XRCC1: variants seen among roughly 807,000 people sequenced by gnomAD.
XRCC1 encodes the protein DNA repair protein XRCC1.
In XRCC1, 52 loss-of-function variants were observed where a neutral mutation model predicts 83.3. The observed-to-expected ratio is 0.62, with a 90% CI of 0.50 to 0.79. The LOEUF (loss-of-function observed/expected upper bound fraction) is 0.79. Among genes scored for constraint, XRCC1 ranks in the 30% least tolerant of loss-of-function variants. XRCC1 has a pLI of 0.00. For missense variants in XRCC1, 793 were observed against 823.5 expected (o/e 0.96, Z 0.45); for synonymous variants, 281 against 312.6 (o/e 0.90, Z 1.07).
At chr19:43,552,637 G>C (rs1054451917) in intron 8 of XRCC1, among the ~76,000 whole-genome samples, 160 bp downstream of exon 8, 4 of 145,298 alleles carry the variant, frequency 2.8e-5, no homozygotes, top group African/African-American at 1.0e-4. Flanking sequence ...TCCTCCCTCG[G>C]ATTCAGGAAT....
chr19:43,569,475 CAA>C (rs34545606), intron 2 of XRCC1, among the ~76,000 whole-genome samples: 27 of 129,694 alleles, frequency 2.1e-4, no homozygotes, highest in Non-Finnish European at 2.1e-4. Context: ...GACCCTGTCT[CAA>C]AAAAAAAAAA....
intron 2 of XRCC1, among the ~76,000 whole-genome samples, chr19:43,570,202 T>C (rs1408214527): frequency 1.3e-5 from 2 of 152,192 alleles, no homozygotes; most frequent in Admixed American, 1.3e-4. Flanking sequence ...AAAATGACCA[T>C]AGGCCCTATT....
rs2228487 is a variant in XRCC1, at chr19:43,554,740, C to A, written c.320G>T (p.Arg107Leu). 6 of 1,613,964 alleles carry A rather than the reference C, an allele frequency of 3.7e-6. No homozygotes were observed. Among genetic ancestry groups the A allele is most frequent in the South Asian group, 1.1e-5 (1 of 91,070 alleles). Residue 107 changes from arginine (R) to leucine (L), a missense_variant, in exon 4 of 17, where the codon CGC becomes CTC. Coordinates refer to ENST00000262887, the MANE Select transcript of XRCC1 (RefSeq NM_006297.3). Reference protein sequence around the residue: ...SESRSGSNPNRVRMFGPDKLV... With the variant: ...SESRSGSNPNLVRMFGPDKLV... The stretch of plus-strand genomic sequence containing the variant: ...CTTGTCAGGCCCAAACATGCGAACG[C>A]GGTTGGGGTTTGAGCCACTGCGGCT...
chr19:43,570,797 A>G (rs970273354), intron 2 of XRCC1, among the ~76,000 whole-genome samples: 3 of 151,848 alleles, frequency 2.0e-5, no homozygotes, highest in African/African-American at 7.3e-5. Context: ...AACATAACAT[A>G]ACAACCCAGA....
At chr19:43,569,309 GCAAAAAAAATA>G (rs1972784414) in intron 2 of XRCC1, among the ~76,000 whole-genome samples, 1 of 151,666 alleles carries the variant, frequency 6.6e-6, no homozygotes, top group Non-Finnish European at 1.5e-5. Context: ...CCCCATCTCT[GCAAAAAAAATA>G]CAAAAATTAG....
chr19:43,553,257 C>T (rs1972600752), intron 6 of XRCC1, 144 bp downstream of exon 6: 8 of 1,159,538 alleles, frequency 6.9e-6, no homozygotes, highest in African/African-American at 3.1e-5. Flanking sequence ...GCCCACCTTC[C>T]TCCACCCTGA....
chr19:43,551,933 G>C (rs1056731832), intron 9 of XRCC1, 84 bp downstream of exon 9: 44 of 1,440,332 alleles, frequency 3.1e-5, no homozygotes, highest in Non-Finnish European at 4.2e-5. Context: ...CAGCATAGTG[G>C]ACACAGAGAA....
At chr19:43,555,565 G>A (rs1307324614) in intron 3 of XRCC1, 1 of 152,180 alleles carries the variant, frequency 6.6e-6, no homozygotes, top group Non-Finnish European at 1.5e-5. Context: ...GCAGCCGGTG[G>A]GGGAGGAAGC....
At chr19:43,547,227 G>A (rs957306333) in intron 10 of XRCC1, among the ~76,000 whole-genome samples, 48 of 149,874 alleles carry the variant, frequency 3.2e-4, no homozygotes, top group African/African-American at 1.0e-3. Context: ...CCATTCCATC[G>A]CCAGGCTGGA....
chr19:43,573,999 A>G (rs977871235), intron 2 of XRCC1, among the ~76,000 whole-genome samples: 3 of 152,228 alleles, frequency 2.0e-5, no homozygotes, highest in Admixed American at 1.3e-4. Context: ...TGAGGACTCA[A>G]TGAGCTAATC....
intron 11 of XRCC1, 28 bp from the exon 12 acceptor site, chr19:43,546,755 A>G (rs773335525): frequency 4.4e-6 from 7 of 1,599,974 alleles, no homozygotes; most frequent in Middle Eastern, 1.7e-4. Flanking sequence ...GTGGGTGAGG[A>G]GGGCAGGAAC....
In XRCC1 at chr19:43,561,036, G is replaced by C. The variant is rs1347828417; in HGVS notation, c.145-16C>G. 5 of 1,603,066 alleles carry C rather than the reference G, an allele frequency of 3.1e-6. No homozygotes were observed. The highest frequency in any genetic ancestry group is 4.3e-6 in the Non-Finnish European group (5 of 1,169,956). ...CCTTCTCCAACTGTGGGCAGAGAGA[G>C]AGGCCACTGTCAGTGCCTGCTCTGC... On this transcript the variant is annotated splice_polypyrimidine_tract_variant and intron_variant, in intron 2 of 16. Transcript: ENST00000262887.
In XRCC1 at chr19:43,553,095, T is replaced by G; in HGVS notation, c.602-4A>C. The G allele has an allele frequency of 6.4e-7, 1 of 1,562,750 alleles. No homozygotes were observed. Among genetic ancestry groups the G allele is most frequent in the Non-Finnish European group, 8.7e-7 (1 of 1,153,328 alleles). ...CCTGCTGGGTCGCTGGCTGTGACTA[T>G]GAAGGGAGAAAGTGGATCCAGGATG... On this transcript the variant is annotated splice_region_variant and splice_polypyrimidine_tract_variant and intron_variant, in intron 6 of 16. Coordinates refer to ENST00000262887, the MANE Select transcript of XRCC1 (RefSeq NM_006297.3).
Position 43,552,212 on chromosome 19 carries a change from G to A in XRCC1, c.887C>T (p.Thr296Ile), listed in dbSNP as rs1436873982. The change falls in exon 9 of 17, where the codon ACA (threonine) becomes ATA (isoleucine). Residue 296 changes from threonine to isoleucine, a missense_variant. Transcript: ENST00000262887. ...GGTGCCTTCTCCTCGGGGTTTGCCT[G>A]TCACTGCCCCCTGTGCTCGGGCAGG... ...PVPARAQGAV[T>I]GKPRGEGTEP... The A allele has an allele frequency of 2.5e-6, 4 of 1,613,852 alleles. No homozygotes were observed. Among genetic ancestry groups the A allele is most frequent in the Admixed American group, 3.3e-5 (2 of 60,010 alleles).
intron 3 of XRCC1, among the ~76,000 whole-genome samples, chr19:43,556,466 A>G (rs1418478481): frequency 6.6e-6 from 1 of 152,208 alleles, no homozygotes; most frequent in African/African-American, 2.4e-5. Context: ...CTGTTCTCTC[A>G]AGGAATTGAG....
Position 43,551,673 on chromosome 19 carries a change from T to C in XRCC1, c.1097A>G (p.Asn366Ser), listed in dbSNP as rs931398918. ...DSTHLICAFA[N>S]TPKYSQVLGL... Reference sequence around the variant, plus strand: ...TAGGACCTGGCTGTACTTGGGGGTGTTGGCAAAGGCACAGCTGGTGGGGGG... The same window carrying C: ...TAGGACCTGGCTGTACTTGGGGGTGCTGGCAAAGGCACAGCTGGTGGGGGG... Residue 366 changes from asparagine to serine, a missense_variant, in exon 10 of 17, where the codon AAC (asparagine) becomes AGC (serine). Physicochemically the swap from Asn to Ser is conservative, Grantham distance 46. Coordinates refer to ENST00000262887, the MANE Select transcript of XRCC1 (RefSeq NM_006297.3). 1.2e-6 allele frequency: 2 copies of C among 1,613,840 alleles called. No homozygotes were observed. The highest frequency in any genetic ancestry group is 1.7e-6 in the Non-Finnish European group (2 of 1,179,988).
chr19:43,570,261 G>T (rs1241163967), intron 2 of XRCC1, among the ~76,000 whole-genome samples: 1 of 152,188 alleles, frequency 6.6e-6, no homozygotes, highest in African/African-American at 2.4e-5. Flanking sequence ...TGACACACCA[G>T]AGTTATATCT....
intron 10 of XRCC1, among the ~76,000 whole-genome samples, chr19:43,548,019 T>C (rs1330027073): frequency 2.9e-5 from 2 of 69,280 alleles, no homozygotes; most frequent in East Asian, 2.8e-4. Flanking sequence ...CTAACAACAG[T>C]AGCAGGTTCC....
rs748915793 is a variant in XRCC1, at chr19:43,552,095, C to A, written c.1004G>T (p.Arg335Leu). The change falls in exon 9 of 17, where the codon CGC becomes CTC. Residue 335 changes from arginine (R) to leucine (L), a missense_variant. Physicochemically the swap from Arg to Leu is moderately radical, Grantham distance 102. Transcript: ENST00000262887. Reference sequence around the variant, plus strand: ...TAGGGCCTTATCTCGCAGCTCGGAGCGGAAGGGGTTCTGGAAGCCACTCAG... The same window carrying A: ...TAGGGCCTTATCTCGCAGCTCGGAGAGGAAGGGGTTCTGGAAGCCACTCAG... ...VVLSGFQNPF[R>L]SELRDKALEL... 4 of 1,613,992 alleles carry A rather than the reference C, an allele frequency of 2.5e-6. No homozygotes were observed. Among genetic ancestry groups the A allele is most frequent in the Non-Finnish European group, 1.7e-6 (2 of 1,179,968 alleles).
Sources: gnomAD v4.1 joint callset for allele counts (sites outside exome capture counted in the v4.1 genomes callset) on GRCh38, gnomAD v4.1.1 for gene constraint, MANE v1.5 for transcripts, NCBI Gene and HGNC (gene_info 2026-07-23, HGNC 2026-07-21) for gene names.